Variants in SORCS1 observed in about 807,000 individuals in gnomAD.
SORCS1 encodes VPS10 domain-containing receptor SorCS1.
In SORCS1, 60 loss-of-function variants were observed where a neutral mutation model predicts 146.1. The ratio of observed to expected loss-of-function variants is 0.41; its 90% CI spans 0.33 to 0.51. The LOEUF (loss-of-function observed/expected upper bound fraction) is 0.51, where lower values mean the gene tolerates loss of function less well. Ranked by LOEUF, SORCS1 falls within the 20% of genes least tolerant of loss-of-function variation. SORCS1 has a pLI of 0.21. For synonymous variants in SORCS1, 637 were observed against 584.0 expected (o/e 1.09, Z -1.31); for missense variants, 1,352 against 1,487.6 (o/e 0.91, Z 1.50).
At chr10:106,828,877 G>A (rs1948412811) in intron 3 of SORCS1, among the ~76,000 whole-genome samples, 1 of 152,202 alleles carries the variant, frequency 6.6e-6, no homozygotes, top group South Asian at 2.1e-4. Flanking sequence ...AAGTATGACT[G>A]CTAACCAAGA....
At chr10:106,726,947 G>C (rs774915793) in intron 6 of SORCS1, among the ~76,000 whole-genome samples, 1 of 152,060 alleles carries the variant, frequency 6.6e-6, no homozygotes, top group East Asian at 1.9e-4. Flanking sequence ...TTAGCCGGGC[G>C]TGGTAGCGGG....
intron 1 of SORCS1, among the ~76,000 whole-genome samples, chr10:107,153,065 C>T (rs889912437): frequency 4.0e-5 from 6 of 151,782 alleles, no homozygotes; most frequent in Non-Finnish European, 8.8e-5. Context: ...TTCCCTTCTC[C>T]CTCCTTCCCT....
chr10:106,859,472 C>T (rs1460269645), intron 2 of SORCS1, among the ~76,000 whole-genome samples: 2 of 152,304 alleles, frequency 1.3e-5, no homozygotes, highest in African/African-American at 2.4e-5. Flanking sequence ...TGGCTCACTG[C>T]AAGCTCCGCC....
intron 1 of SORCS1, among the ~76,000 whole-genome samples, chr10:107,044,866 T>C (rs1959232031): frequency 6.7e-6 from 1 of 149,552 alleles, no homozygotes; most frequent in Non-Finnish European, 1.5e-5. Flanking sequence ...AATGATGTAT[T>C]ATAGGTGCTG....
chr10:106,662,845 A>T (rs1002840340), intron 17 of SORCS1, among the ~76,000 whole-genome samples: 1 of 152,198 alleles, frequency 6.6e-6, no homozygotes, highest in Non-Finnish European at 1.5e-5. Context: ...ATTTTAAAGG[A>T]GGACGGCACT....
intron 3 of SORCS1, among the ~76,000 whole-genome samples, chr10:106,788,786 C>A (rs1030200673): frequency 6.6e-6 from 1 of 152,158 alleles, no homozygotes. Context: ...TGCAAGCTAT[C>A]AGTGGATCTA....
chr10:106,851,131 A>G (rs1002732295), intron 2 of SORCS1, among the ~76,000 whole-genome samples: 1 of 152,148 alleles, frequency 6.6e-6, no homozygotes, highest in Non-Finnish European at 1.5e-5. Context: ...GGTCTTTTAT[A>G]ATTTTTTCCC....
intron 2 of SORCS1, among the ~76,000 whole-genome samples, chr10:106,915,853 G>A (rs188474646): frequency 1.1e-4 from 16 of 152,252 alleles, no homozygotes; most frequent in South Asian, 2.1e-4. Flanking sequence ...TAGGAAGAGC[G>A]AGCCATAACC....
chr10:106,662,270 A>T (rs923902020), intron 17 of SORCS1, among the ~76,000 whole-genome samples: 19 of 152,236 alleles, frequency 1.2e-4, no homozygotes, highest in African/African-American at 4.6e-4. Flanking sequence ...ACAGGGTAAT[A>T]AGCTGACAGT....
At position 107,060,691 on chromosome 10, in the gene SORCS1, C is replaced by T. The variant is rs1421064431; in HGVS notation, c.558+103278G>A. On this transcript the variant is annotated intron_variant, in intron 1 of 25. Transcript: ENST00000263054. This position sits in a 1 kb window ranked among gnomAD's most constrained non-coding sequence, Gnocchi z 4.1. ...AGTCCCCGGCTCACGGTTTTCTCCT[C>T]TCTTGACACTTGCAGTCATGTTTAC... is the stretch of plus-strand genomic sequence containing the variant. Among the ~76,000 whole-genome samples, 3 of 152,186 alleles carry T rather than the reference C, an allele frequency of 2.0e-5. No homozygotes were observed. The highest frequency in any genetic ancestry group is 4.4e-5 in the Non-Finnish European group (3 of 68,030).
chr10:106,596,392 T>A (rs1385131054), intron 24 of SORCS1, among the ~76,000 whole-genome samples: 2 of 152,248 alleles, frequency 1.3e-5, no homozygotes, highest in African/African-American at 4.8e-5. Flanking sequence ...TGTTAATTTA[T>A]TATTAATACA....
chr10:106,740,618 C>T (rs1589778890), intron 5 of SORCS1, among the ~76,000 whole-genome samples: 2 of 152,168 alleles, frequency 1.3e-5, no homozygotes, highest in East Asian at 3.9e-4. Context: ...GCATTTAGCT[C>T]CATCAGAAAA....
intron 1 of SORCS1, among the ~76,000 whole-genome samples, chr10:106,986,207 TATATATGTACATACAGCATGTATATTC>T (rs560554732): frequency 0.017 from 2,554 of 152,262 alleles, 32 homozygotes; most frequent in Middle Eastern, 0.058. Context: ...ATATACATGA[TATATATGTACATACAGCATGTATATTC>T]ATATATGTAT....
chr10:106,640,462 C>G (rs562996088), intron 18 of SORCS1, among the ~76,000 whole-genome samples: 1 of 152,306 alleles, frequency 6.6e-6, no homozygotes, highest in Non-Finnish European at 1.5e-5. Context: ...CGTCCCTAGC[C>G]TCAGATTTAA....
At chr10:106,607,937 C>A (rs968152971) in intron 22 of SORCS1, among the ~76,000 whole-genome samples, 1 of 152,192 alleles carries the variant, frequency 6.6e-6, no homozygotes, top group Non-Finnish European at 1.5e-5. Flanking sequence ...CCCTGAAGCA[C>A]CCTGAGCCCT....
At position 107,060,854 on chromosome 10, in the gene SORCS1, AT is replaced by A. The variant is rs1302889342; in HGVS notation, c.558+103114del. On this transcript the variant is annotated intron_variant, in intron 1 of 25. Transcript: ENST00000263054. The surrounding 1 kb of genome is among the most constrained non-coding windows in gnomAD (Gnocchi z 4.1). Reference sequence around the variant, plus strand: ...AAAAAATCATATTTTAGTTAATTTTATTGAATCACAAGCCTCTAAACTAATG... The same window carrying A: ...AAAAAATCATATTTTAGTTAATTTTATGAATCACAAGCCTCTAAACTAATG... 6.6e-6 allele frequency among the ~76,000 whole-genome samples: 1 copy of A among 152,170 alleles called. No individual in the cohort carries two copies. Among genetic ancestry groups the A allele is most frequent in the East Asian group, 1.9e-4 (1 of 5,196 alleles).
chr10:107,133,460 A>G (rs1477654054), intron 1 of SORCS1, among the ~76,000 whole-genome samples: 1 of 152,154 alleles, frequency 6.6e-6, no homozygotes, highest in Non-Finnish European at 1.5e-5. Context: ...AATGCCGGAG[A>G]AGGTCAGAAA....
At chr10:106,674,587 C>T (rs1851886356) in intron 14 of SORCS1, among the ~76,000 whole-genome samples, 1 of 152,040 alleles carries the variant, frequency 6.6e-6, no homozygotes, top group African/African-American at 2.4e-5. Context: ...ACATTCCAGA[C>T]AAAAATGAGT....
Position 106,925,238 on chromosome 10 carries a change from C to T in SORCS1, c.626+31275G>A, listed in dbSNP as rs552921743. Among the ~76,000 whole-genome samples, 582 of 151,890 alleles carry T rather than the reference C, an allele frequency of 3.8e-3. 2 individuals carry two copies. Among genetic ancestry groups the T allele is most frequent in the Non-Finnish European group, 5.0e-3 (343 of 67,940 alleles). On this transcript the variant is annotated intron_variant, in intron 2 of 25. Transcript: ENST00000263054. ...AGAAAGGCCCTTTTCCCTATCCTAT[C>T]TGCCTCTGCCAGAGGCCAGAGCAGC...
Sources: allele counts gnomAD v4.1 joint callset (sites outside exome capture counted in the v4.1 genomes callset), GRCh38; gene constraint gnomAD v4.1.1; non-coding constraint Gnocchi (gnomAD v3.1); transcripts MANE v1.5; gene names NCBI Gene and HGNC (gene_info 2026-07-23, HGNC 2026-07-21).